RRP1B: variants seen among roughly 807,000 people sequenced by gnomAD.
The protein encoded by RRP1B is ribosomal RNA processing 1B.
In RRP1B, 56 loss-of-function variants were observed where a neutral mutation model predicts 80.2. The ratio of observed to expected loss-of-function variants is 0.70; its 90% CI spans 0.56 to 0.87. The LOEUF (loss-of-function observed/expected upper bound fraction) is 0.87, where lower values mean the gene tolerates loss of function less well. RRP1B is among the 40% of genes least tolerant of loss of function. The pLI, the probability that RRP1B is intolerant of heterozygous loss-of-function variation, is 0.00. For synonymous variants in RRP1B, 351 were observed against 357.6 expected (o/e 0.98, Z 0.21); for missense variants, 807 against 939.8 (o/e 0.86, Z 1.85).
chr21:43,664,956 G>A (rs951952599), intron 1 of RRP1B, among the ~76,000 whole-genome samples: 2 of 152,148 alleles, frequency 1.3e-5, no homozygotes, highest in East Asian at 3.8e-4. Context: ...CACCACGTGG[G>A]GATTATTACA....
intron 9 of RRP1B, among the ~76,000 whole-genome samples, chr21:43,684,189 A>G (rs541550371): frequency 1.3e-5 from 2 of 149,664 alleles, no homozygotes; most frequent in East Asian, 4.1e-4. Flanking sequence ...CTCCTGCCTC[A>G]GCCTCCCGAG....
intron 8 of RRP1B, among the ~76,000 whole-genome samples, chr21:43,677,332 A>T (rs2083026947): frequency 6.6e-6 from 1 of 152,114 alleles, no homozygotes; most frequent in East Asian, 1.9e-4. Flanking sequence ...GGCTTCCTTC[A>T]GGGAATGTTT....
chr21:43,663,582 G>C (rs780355089), intron 1 of RRP1B, among the ~76,000 whole-genome samples: 1 of 151,882 alleles, frequency 6.6e-6, no homozygotes, highest in African/African-American at 2.4e-5. Context: ...TTGAGAGACA[G>C]AGACTTGCTC....
rs767968758 is a variant in RRP1B at position 43,684,591 on chromosome 21, G to A, written c.930G>A (p.Met310Ile). Residue 310 changes from methionine (M) to isoleucine (I), a missense_variant, in exon 10 of 16, where the codon ATG becomes ATA. Physicochemically the swap from Met to Ile is conservative, Grantham distance 10 (BLOSUM62 1). Transcript: ENST00000340648. Reference sequence around the variant, plus strand: ...CTGTTGCTGATCGACTCCTGGAAATGACCAGCAGGAAGAACACGCCCCACT... The same window carrying A: ...CTGTTGCTGATCGACTCCTGGAAATAACCAGCAGGAAGAACACGCCCCACT... ...YKAVADRLLE[M>I]TSRKNTPHFN... The A allele has an allele frequency of 6.2e-7, 1 of 1,614,122 alleles. No individual in the cohort carries two copies. The highest frequency in any genetic ancestry group is 1.1e-5 in the South Asian group (1 of 91,042).
chr21:43,686,656 C>T, intron 11 of RRP1B, 148 bp from the exon 12 acceptor site: 1 of 860,240 alleles, frequency 1.2e-6, no homozygotes, highest in Non-Finnish European at 1.8e-6. Context: ...TCTGTAATTC[C>T]TGTGTCAGCA....
At chr21:43,675,000 T>C (rs912527500) in intron 5 of RRP1B, 34 bp from the exon 6 acceptor site, 5 of 1,611,670 alleles carry the variant, frequency 3.1e-6, no homozygotes, top group African/African-American at 1.3e-5. Context: ...GTTGGCATAC[T>C]GTCATTCACA....
chr21:43,677,249 A>G (rs111425327), intron 8 of RRP1B, among the ~76,000 whole-genome samples: 1 of 152,226 alleles, frequency 6.6e-6, no homozygotes. Flanking sequence ...ACACCTTAGC[A>G]TGCATGGCCT....
rs75765029 is a variant in RRP1B at position 43,691,272 on chromosome 21, G to A, written c.2020-167G>A. Among the ~76,000 whole-genome samples, 76 of 152,268 alleles carry A rather than the reference G, an allele frequency of 5.0e-4. 1 individual carries two copies. In the East Asian group the frequency reaches 7.1e-3, roughly 14 times the overall value. On this transcript the variant is annotated intron_variant, in intron 14 of 15. Transcript: ENST00000340648. This position sits in a 1 kb window ranked among gnomAD's most constrained non-coding sequence, Gnocchi z 4.2. ...CTGGTGAAGCCCCGACAGGAGGGTC[G>A]GTTTCAGTCTTGGCCGCAGTCCCTT...
chr21:43,659,704 C>T lies in RRP1B; in HGVS notation c.40C>T (p.Gln14Ter). ...AMQPAEIQFAQRLASSEKGIR... is the reference protein window; with the variant it reads ...AMQPAEIQFA ...GCAGCCGGCCGAGATCCAATTTGCCCAGCGGCTGGCGTCCAGCGAGAAGGG... is the reference window on the plus strand; with the variant it reads ...GCAGCCGGCCGAGATCCAATTTGCCTAGCGGCTGGCGTCCAGCGAGAAGGG... The change falls in exon 1 of 16, where the codon CAG becomes TAG. Residue 14 changes from glutamine to a stop codon, truncating the protein, a stop_gained. Coordinates refer to ENST00000340648, the MANE Select transcript of RRP1B (RefSeq NM_015056.3). LOFTEE classifies it high-confidence loss of function. This position sits in a 1 kb window ranked among gnomAD's most constrained non-coding sequence, Gnocchi z 4.2. 2 of 1,531,078 alleles carry T rather than the reference C, an allele frequency of 1.3e-6. No individual in the cohort carries two copies. Among genetic ancestry groups the T allele is most frequent in the South Asian group, 1.2e-5 (1 of 81,804 alleles). The allele number at this position is 1,531,078 out of a possible 1,614,324, so 94.8% of individuals were successfully genotyped here.
intron 8 of RRP1B, among the ~76,000 whole-genome samples, chr21:43,680,048 T>C (rs2083037273): frequency 6.6e-6 from 1 of 152,228 alleles, no homozygotes; most frequent in South Asian, 2.1e-4. Context: ...TTTTGTATCC[T>C]GAAACTTTGC....
At chr21:43,672,217 C>T (rs2083002307) in intron 2 of RRP1B, 91 bp from the exon 3 acceptor site, 5 of 1,075,822 alleles carry the variant, frequency 4.6e-6, no homozygotes, top group African/African-American at 1.6e-5. Context: ...TTCCCACGAG[C>T]GGAAGTGGGA....
chr21:43,673,367 C>G (rs1392815433), intron 3 of RRP1B, among the ~76,000 whole-genome samples: 1 of 152,158 alleles, frequency 6.6e-6, no homozygotes, highest in African/African-American at 2.4e-5. Flanking sequence ...GGCACGGTGG[C>G]TCACGCCTGT....
intron 13 of RRP1B, 40 bp from the exon 14 acceptor site, chr21:43,690,248 G>A (rs369300026): frequency 1.3e-4 from 203 of 1,607,796 alleles, no homozygotes; most frequent in Non-Finnish European, 1.6e-4. Flanking sequence ...AGGCTCTGTC[G>A]TCTGACCCCT....
intron 1 of RRP1B, among the ~76,000 whole-genome samples, chr21:43,660,215 G>A (rs1474063531): frequency 1.3e-5 from 2 of 152,154 alleles, no homozygotes; most frequent in Non-Finnish European, 2.9e-5. Context: ...AATAAAGCAA[G>A]GAGGCAAACA....
In RRP1B at chr21:43,688,067, C is replaced by T; in HGVS notation, c.1693C>T (p.Pro565Ser). 1 of 1,612,400 alleles carries T rather than the reference C, an allele frequency of 6.2e-7. No individual in the cohort carries two copies. The highest frequency in any genetic ancestry group is 8.5e-7 in the Non-Finnish European group (1 of 1,179,562). Residue 565 changes from proline (P) to serine (S), a missense_variant, in exon 13 of 16, where the codon CCC (proline) becomes TCC (serine). Physicochemically the swap from Pro to Ser is moderately conservative, Grantham distance 74. Transcript: ENST00000340648. ...GGGGGCGAACAGCCACACCACGCTG[C>T]CCCAGCGCAGGAGGCTGCAGAAAAA... ...AEGANSHTTL[P>S]QRRRLQKKKA...
At position 43,694,984 on chromosome 21, in the gene RRP1B, A is replaced by G. The variant is rs2083101846; in HGVS notation, c.*1601A>G. 6.6e-6 allele frequency: 1 copy of G among 152,148 alleles called. No individual in the cohort carries two copies. The highest frequency in any genetic ancestry group is 1.5e-5 in the Non-Finnish European group (1 of 68,022). The allele number at this position is 152,148 out of a possible 1,614,324, so 9.4% of individuals were successfully genotyped here. A position where few individuals can be genotyped will look rare whatever the true frequency, so the allele number is the denominator to read the frequency against. ...CACTCTGTTCTTCGCCTACTCTGTA[A>G]TCGTTTTGTCATAATGAGCCATGAA... is the stretch of plus-strand genomic sequence containing the variant. On this transcript the variant is annotated 3_prime_UTR_variant, in exon 16 of 16. Transcript: ENST00000340648.
At chr21:43,689,184 G>A (rs1033329838) in intron 13 of RRP1B, among the ~76,000 whole-genome samples, 5 of 152,246 alleles carry the variant, frequency 3.3e-5, no homozygotes, top group South Asian at 2.1e-4. Context: ...CAGGTCTGTG[G>A]CCACTTTCAT....
intron 8 of RRP1B, among the ~76,000 whole-genome samples, chr21:43,677,495 A>C (rs1302725192): frequency 6.6e-6 from 1 of 152,330 alleles, no homozygotes; most frequent in Non-Finnish European, 1.5e-5. Flanking sequence ...TGCACAAAAT[A>C]AGGGAAATGG....
chr21:43,674,612 T>TTTTTTA, intron 4 of RRP1B, 24 bp from the exon 5 acceptor site: 6 of 1,327,492 alleles, frequency 4.5e-6, no homozygotes, highest in South Asian at 1.4e-5. Context: ...TTTTTTTTTT[T>TTTTTTA]AAACAAAAAT....
Sources: gnomAD v4.1 joint callset for allele counts (sites outside exome capture counted in the v4.1 genomes callset) on GRCh38, gnomAD v4.1.1 for gene constraint, Gnocchi (gnomAD v3.1) non-coding constraint, MANE v1.5 for transcripts, NCBI Gene and HGNC (gene_info 2026-07-23, HGNC 2026-07-21) for gene names.